Variants in GBF1 observed in about 807,000 individuals in gnomAD.
GBF1 encodes the protein Golgi-specific brefeldin A-resistance guanine nucleotide exchange factor 1.
Under a neutral mutation model 210.5 loss-of-function variants are expected in GBF1, and 114 were observed. The observed-to-expected ratio is 0.54, with a 90% CI of 0.47 to 0.63. GBF1 has a LOEUF of 0.63. GBF1 is among the 30% of genes least tolerant of loss of function. The pLI, the probability that GBF1 is intolerant of heterozygous loss-of-function variation, is 0.00. For missense variants in GBF1, 1,851 were observed against 2,357.7 expected (o/e 0.79, Z 4.45); for synonymous variants, 850 against 889.2 (o/e 0.96, Z 0.78).
chr10:102,281,930 C>CTT (rs772397261), intron 3 of GBF1, among the ~76,000 whole-genome samples: 8 of 140,640 alleles, frequency 5.7e-5, no homozygotes, highest in African/African-American at 7.8e-5. Flanking sequence ...TCTTTCTTTT[C>CTT]TTTTTTTTTT....
At chr10:102,335,290 C>G (rs1485533208) in intron 3 of GBF1, among the ~76,000 whole-genome samples, 1 of 152,180 alleles carries the variant, frequency 6.6e-6, no homozygotes, top group Non-Finnish European at 1.5e-5. Flanking sequence ...CAGAGCACCT[C>G]TCTACCTAAT....
chr10:102,243,122 C>A (rs1227733111), upstream of GBF1, among the ~76,000 whole-genome samples: 1 of 152,110 alleles, frequency 6.6e-6, no homozygotes, highest in Non-Finnish European at 1.5e-5. Context: ...GTCCTGCACA[C>A]CTCTGGCCCT....
intron 4 of GBF1, among the ~76,000 whole-genome samples, chr10:102,346,143 C>T (rs567633888): frequency 2.0e-5 from 3 of 151,864 alleles, no homozygotes; most frequent in South Asian, 2.1e-4. Flanking sequence ...CCACCACGCC[C>T]GGCTAATTTT....
chr10:102,312,041 C>T (rs1431833462), intron 3 of GBF1, among the ~76,000 whole-genome samples: 3 of 152,146 alleles, frequency 2.0e-5, no homozygotes. Context: ...CCTGTAATCC[C>T]AGCACTTTGG....
At chr10:102,265,069 C>G (rs1323432210) in intron 3 of GBF1, among the ~76,000 whole-genome samples, 2 of 152,132 alleles carry the variant, frequency 1.3e-5, no homozygotes, top group African/African-American at 4.8e-5. Context: ...AGTGAAATAT[C>G]AGGATACTTG....
intron 3 of GBF1, among the ~76,000 whole-genome samples, chr10:102,342,403 ACACACT>A (rs2058258553): frequency 1.3e-5 from 2 of 151,540 alleles, no homozygotes. Flanking sequence ...ACACACACAC[ACACACT>A]CACACACAGA....
At chr10:102,275,589 G>A (rs1249720149) in intron 3 of GBF1, among the ~76,000 whole-genome samples, 5 of 152,196 alleles carry the variant, frequency 3.3e-5, no homozygotes, top group Non-Finnish European at 7.4e-5. Flanking sequence ...GTAGTCCACA[G>A]AAAGACCTGT....
intron 3 of GBF1, among the ~76,000 whole-genome samples, chr10:102,293,771 G>GT (rs56722082): frequency 2.2e-4 from 5 of 22,906 alleles, no homozygotes; most frequent in Admixed American, 1.3e-3. Context: ...TATGTTTTGT[G>GT]TTTTTTTTTT....
At chr10:102,251,331 C>T (rs903735496) in intron 1 of GBF1, among the ~76,000 whole-genome samples, 59 of 151,954 alleles carry the variant, frequency 3.9e-4, no homozygotes, top group African/African-American at 1.4e-3. Context: ...TCATTTTTCT[C>T]ATGAGGTGGA....
At chr10:102,281,044 T>A (rs1181403246) in intron 3 of GBF1, among the ~76,000 whole-genome samples, 2 of 152,188 alleles carry the variant, frequency 1.3e-5, no homozygotes, top group African/African-American at 4.8e-5. Context: ...TGTCTGCATG[T>A]TTCTACATTT....
intron 11 of GBF1, 117 bp from the exon 12 acceptor site, chr10:102,360,067 T>C: frequency 1.3e-6 from 1 of 749,256 alleles, no homozygotes; most frequent in Admixed American, 1.7e-5. Flanking sequence ...CGCCCAGCCC[T>C]TTTCTTCAAA....
intron 3 of GBF1, among the ~76,000 whole-genome samples, chr10:102,269,377 C>T (rs540329766): frequency 2.6e-5 from 4 of 152,204 alleles, no homozygotes; most frequent in African/African-American, 7.2e-5. Flanking sequence ...AAAGGCAGGG[C>T]CAGATGTAGT....
At chr10:102,289,619 T>C (rs1277056251) in intron 3 of GBF1, among the ~76,000 whole-genome samples, 2 of 152,150 alleles carry the variant, frequency 1.3e-5, no homozygotes, top group Non-Finnish European at 2.9e-5. Flanking sequence ...AGGCTGTAAA[T>C]AAACCCTGGC....
chr10:102,357,651 A>G (rs2059371129), intron 8 of GBF1, among the ~76,000 whole-genome samples: 1 of 152,190 alleles, frequency 6.6e-6, no homozygotes, highest in Non-Finnish European at 1.5e-5. Context: ...CACCTGTAGA[A>G]CTGAGTGTCA....
intron 3 of GBF1, among the ~76,000 whole-genome samples, chr10:102,265,783 G>A (rs2073802866): frequency 6.6e-6 from 1 of 152,114 alleles, no homozygotes; most frequent in Non-Finnish European, 1.5e-5. Context: ...AGCCTTCAGG[G>A]CCAGGGCTTG....
rs372057718 is a variant in GBF1, at chr10:102,370,738, C to A, written c.3538C>A (p.Arg1180=). Residue 1180 remains arginine, a synonymous_variant, in exon 29 of 40, where the codon CGA becomes AGA. Coordinates refer to ENST00000369983, the MANE Select transcript of GBF1 (RefSeq NM_001377137.1). ...DRVGCVWQTV[R]DHLYHLCVQA... is the part of the protein sequence containing the mutation. ...TGTGGGCTGTGTGTGGCAGACTGTT[C>A]GAGACCATCTATACCACCTCTGTGT... 4.7e-5 allele frequency: 76 copies of A among 1,613,990 alleles called. No individual in the cohort carries two copies. Among genetic ancestry groups the A allele is most frequent in the Non-Finnish European group, 6.3e-5 (74 of 1,179,902 alleles).
chr10:102,338,932 A>G (rs115066962), intron 3 of GBF1, among the ~76,000 whole-genome samples: 2,163 of 152,286 alleles, frequency 0.014, 46 homozygotes, highest in African/African-American at 0.049. Flanking sequence ...AAATTGATCT[A>G]TAGACTCAAT....
At chr10:102,325,772 C>A (rs2056849599) in intron 3 of GBF1, among the ~76,000 whole-genome samples, 1 of 151,996 alleles carries the variant, frequency 6.6e-6, no homozygotes, top group Non-Finnish European at 1.5e-5. Context: ...GCCTCAGCCT[C>A]CCGAGTAGGT....
chr10:102,315,680 A>G (rs2078869868), intron 3 of GBF1, among the ~76,000 whole-genome samples: 1 of 152,128 alleles, frequency 6.6e-6, no homozygotes, highest in Non-Finnish European at 1.5e-5. Flanking sequence ...CGCTAATCTG[A>G]CAGGAGGCAG....
Sources: gnomAD v4.1 joint callset for allele counts (sites outside exome capture counted in the v4.1 genomes callset) on GRCh38, gnomAD v4.1.1 for gene constraint, MANE v1.5 for transcripts, NCBI Gene and HGNC (gene_info 2026-07-23, HGNC 2026-07-21) for gene names.